Variants in CUBN observed in about 807,000 individuals in gnomAD.
CUBN encodes the protein 460 kDa receptor.
A neutral mutation model predicts 405.3 loss-of-function variants in CUBN; 282 were observed. The observed-to-expected ratio is 0.70, with a 90% CI of 0.63 to 0.77. CUBN has a LOEUF of 0.77. CUBN is among the 30% of genes least tolerant of loss of function. The pLI is 0.00. For missense variants in CUBN, 4,514 were observed against 4,475.2 expected, an observed-to-expected ratio of 1.01 and a Z score of -0.25; for synonymous variants, 1,684 against 1,617.0, an observed-to-expected ratio of 1.04 and a Z score of -0.99.
intron 27 of CUBN, among the ~76,000 whole-genome samples, chr10:17,037,941 C>T (rs1053298697): frequency 1.2e-5 from 1 of 81,030 alleles, no homozygotes. Flanking sequence ...GACACAGTCA[C>T]CTTTTTTTTT....
chr10:17,116,470 C>T (rs1588653654), intron 6 of CUBN, among the ~76,000 whole-genome samples: 3 of 152,076 alleles, frequency 2.0e-5, no homozygotes, highest in South Asian at 2.1e-4. Flanking sequence ...TGCCGATTGC[C>T]GGACTTGAGC....
At position 17,019,912 on chromosome 10, in the gene CUBN, G is replaced by T; in HGVS notation, c.4089C>A (p.Ser1363Arg). The change falls in exon 28 of 67, where the codon AGC (serine) becomes AGA (arginine). Residue 1363 changes from serine (S) to arginine (R), a missense_variant. Around this residue, in one of 5 missense-constraint regions of CUBN, gnomAD observed 242 missense variants for 309.0 expected, o/e 0.78. Transcript: ENST00000377833. Reference protein sequence around the residue: ...VDLPPPGSTTSSKLQVLLLTD... With the variant: ...VDLPPPGSTTRSKLQVLLLTD... ...TAAGGAGCAGCACTTGAAGCTTGGAGCTTGTAGTACTCCCTGGAGGGGGCA... is the reference window on the plus strand; with the variant it reads ...TAAGGAGCAGCACTTGAAGCTTGGATCTTGTAGTACTCCCTGGAGGGGGCA... 1 of 1,614,150 alleles carries T rather than the reference G, an allele frequency of 6.2e-7. No homozygotes were observed.
At chr10:16,838,198 G>A (rs904294674) in intron 62 of CUBN, among the ~76,000 whole-genome samples, 11 of 152,092 alleles carry the variant, frequency 7.2e-5, no homozygotes, top group Non-Finnish European at 1.5e-4. Context: ...CACATCTCAC[G>A]CCTCTCCACT....
At position 17,128,037 on chromosome 10, in the gene CUBN, T is replaced by C. The variant is rs1055083394; in HGVS notation, c.253-113A>G. 27 of 708,702 alleles carry C rather than the reference T, an allele frequency of 3.8e-5. No individual in the cohort carries two copies. The African/African-American group carries it at 3.9e-4, about 10-fold the overall frequency. 43.9% of individuals were successfully genotyped at this position (708,702 alleles called of 1,614,324 possible). A position where few individuals can be genotyped will look rare whatever the true frequency, so the allele number is the denominator to read the frequency against. ...GTATTCTACTTTAAGCACTAAGATC[T>C]TGCCTATTATTATAAAAACCAAAAC... On this transcript the variant is annotated intron_variant, in intron 2 of 66. Coordinates refer to ENST00000377833, the MANE Select transcript of CUBN (RefSeq NM_001081.4).
At chr10:17,057,249 G>A (rs979814023) in intron 22 of CUBN, among the ~76,000 whole-genome samples, 1 of 152,156 alleles carries the variant, frequency 6.6e-6, no homozygotes, top group African/African-American at 2.4e-5. Flanking sequence ...ACGTGTTGAG[G>A]GTAGCAGCTT....
intron 28 of CUBN, among the ~76,000 whole-genome samples, chr10:17,009,192 T>C (rs1473918419): frequency 6.6e-6 from 1 of 152,252 alleles, no homozygotes; most frequent in Non-Finnish European, 1.5e-5. Context: ...AATTTACATA[T>C]TGTGAGCAGC....
intron 17 of CUBN, among the ~76,000 whole-genome samples, chr10:17,081,699 T>C (rs1054510099): frequency 2.6e-5 from 4 of 152,176 alleles, no homozygotes; most frequent in Non-Finnish European, 5.9e-5. Context: ...TGGATAGAGA[T>C]GATTTAAAGA....
chr10:16,841,652 T>G (rs765009871), intron 60 of CUBN, among the ~76,000 whole-genome samples: 4 of 152,206 alleles, frequency 2.6e-5, no homozygotes, highest in Non-Finnish European at 5.9e-5. Flanking sequence ...GGTGTGTTGC[T>G]GCTTCTTGGG....
chr10:16,959,916 C>T (rs999065046), intron 31 of CUBN, among the ~76,000 whole-genome samples: 1 of 152,106 alleles, frequency 6.6e-6, no homozygotes, highest in South Asian at 2.1e-4. Flanking sequence ...ATTTTCTGAT[C>T]GTTACTTAAG....
rs958941153 is a variant in CUBN, at chr10:17,090,641, A to G, written c.1766-2296T>C. Among the ~76,000 whole-genome samples, 5 of 152,090 alleles carry G rather than the reference A, an allele frequency of 3.3e-5. No individual in the cohort carries two copies. The East Asian group carries it at 9.6e-4, about 29-fold the overall frequency. ...TTTGACTATACCGCTCAAGCAAAAC[A>G]TATTTTAAATACACAAAAAAGAACA... On this transcript the variant is annotated intron_variant, in intron 14 of 66. Coordinates refer to ENST00000377833, the MANE Select transcript of CUBN (RefSeq NM_001081.4).
chr10:16,929,106 TG>T (rs1208298171), intron 40 of CUBN, among the ~76,000 whole-genome samples: 1 of 151,246 alleles, frequency 6.6e-6, no homozygotes. Context: ...TCAGTGCCAG[TG>T]GGGTTTTTTT....
intron 17 of CUBN, among the ~76,000 whole-genome samples, chr10:17,080,367 G>A (rs887595768): frequency 1.3e-5 from 2 of 152,174 alleles, no homozygotes; most frequent in Non-Finnish European, 2.9e-5. Flanking sequence ...GCCACTTGTA[G>A]AACAGGTATA....
At chr10:16,884,535 G>A (rs1275786578) in intron 56 of CUBN, among the ~76,000 whole-genome samples, 1 of 152,044 alleles carries the variant, frequency 6.6e-6, no homozygotes, top group African/African-American at 2.4e-5. Flanking sequence ...AAACATCAAT[G>A]GTCTGTAGTT....
intron 36 of CUBN, among the ~76,000 whole-genome samples, chr10:16,945,320 C>A (rs1030815818): frequency 2.6e-5 from 4 of 152,176 alleles, no homozygotes; most frequent in Non-Finnish European, 4.4e-5. Context: ...ATAGAAGGCA[C>A]CTCATAGGAG....
chr10:17,050,295 C>A (rs1835234174), intron 22 of CUBN, among the ~76,000 whole-genome samples: 1 of 152,170 alleles, frequency 6.6e-6, no homozygotes, highest in African/African-American at 2.4e-5. Context: ...ATCTGCAGTA[C>A]AAGATTGTGA....
intron 2 of CUBN, 131 bp downstream of exon 2, chr10:17,128,990 T>C (rs1012359356): frequency 2.5e-5 from 17 of 678,404 alleles, no homozygotes; most frequent in African/African-American, 3.6e-5. Context: ...ATTATAGGAA[T>C]GTATCAAATT....
chr10:16,982,762 C>A (rs572702379), intron 30 of CUBN, 109 bp from the exon 31 acceptor site: 1 of 1,010,774 alleles, frequency 9.9e-7, no homozygotes, highest in Admixed American at 2.0e-5. Context: ...ATCAGTTAGT[C>A]GATGCTAAAA....
At chr10:17,026,713 G>A (rs1834676234) in intron 27 of CUBN, among the ~76,000 whole-genome samples, 1 of 152,144 alleles carries the variant, frequency 6.6e-6, no homozygotes, top group African/African-American at 2.4e-5. Flanking sequence ...AGCCCAAGGG[G>A]GCAAATGCAA....
At chr10:16,847,094 T>C (rs537391122) in intron 60 of CUBN, among the ~76,000 whole-genome samples, 56 of 152,304 alleles carry the variant, frequency 3.7e-4, no homozygotes, top group Middle Eastern at 6.8e-3. Context: ...TTCTATGTTG[T>C]TTCTATTTAT....
Sources: allele counts gnomAD v4.1 joint callset (sites outside exome capture counted in the v4.1 genomes callset), GRCh38; gene constraint gnomAD v4.1.1; regional missense constraint gnomAD v4.1.1; transcripts MANE v1.5; gene names NCBI Gene and HGNC (gene_info 2026-07-23, HGNC 2026-07-21).